The following FAM53A variants were observed in gnomAD, a reference collection of about 807,000 sequenced individuals.
FAM53A encodes the protein family with sequence similarity 53 member A, also known as protein FAM53A.
FAM53A carries 28 observed loss-of-function variants against 26.6 expected under a neutral mutation model. That is an observed-to-expected ratio of 1.05 (90% CI 0.78 to 1.45). The LOEUF (loss-of-function observed/expected upper bound fraction) is 1.45. Among genes scored for constraint, FAM53A ranks in the 40% most tolerant of loss-of-function variants. The pLI, the probability that FAM53A is intolerant of heterozygous loss-of-function variation, is 0.00. For synonymous variants in FAM53A, 290 were observed against 253.1 expected (o/e 1.15, Z -1.38); for missense variants, 650 against 575.8 (o/e 1.13, Z -1.32).
At chr4:1,622,952 G>A (rs534467670) in intron 1 of FAM53A, among the ~76,000 whole-genome samples, 12 of 152,332 alleles carry the variant, frequency 7.9e-5, no homozygotes, top group Admixed American at 3.9e-4. Flanking sequence ...GGCCTCCCGC[G>A]TGTCCCTCCC....
chr4:1,600,696 G>A, the FAM53A span, among the ~76,000 whole-genome samples: 1,053 of 152,124 alleles, frequency 6.9e-3, 16 homozygotes, highest in Middle Eastern at 0.024. Context: ...TTGCTTTGTC[G>A]TCCAGGCTGG....
At chr4:1,576,837 T>C in the FAM53A span, among the ~76,000 whole-genome samples, 8 of 152,134 alleles carry the variant, frequency 5.3e-5, no homozygotes, top group Non-Finnish European at 1.2e-4. Flanking sequence ...GCCTAGTTTG[T>C]CAGACATCAG....
At chr4:1,603,663 G>A in the FAM53A span, among the ~76,000 whole-genome samples, 1 of 152,168 alleles carries the variant, frequency 6.6e-6, no homozygotes, top group East Asian at 1.9e-4. Flanking sequence ...CCACTGACAC[G>A]GCTCCCACCA....
downstream of FAM53A, among the ~76,000 whole-genome samples, chr4:1,635,726 A>G (rs1715808394): frequency 6.6e-6 from 1 of 151,604 alleles, no homozygotes; most frequent in Non-Finnish European, 1.5e-5. Flanking sequence ...TTCTTCTATA[A>G]CCCATGAGTT....
intron 4 of FAM53A, among the ~76,000 whole-genome samples, chr4:1,651,766 T>C (rs1712808218): frequency 6.7e-6 from 1 of 150,128 alleles, no homozygotes; most frequent in African/African-American, 2.5e-5. Flanking sequence ...ACACACAGGC[T>C]CAGCAAGGGA....
chr4:1,593,454 A>G, the FAM53A span, among the ~76,000 whole-genome samples: 2 of 152,214 alleles, frequency 1.3e-5, no homozygotes, highest in East Asian at 3.9e-4. Context: ...CGGTAGATCA[A>G]TAGCTTTGGA....
chr4:1,668,477 T>C (rs549745600), intron 2 of FAM53A, among the ~76,000 whole-genome samples, 190 bp downstream of exon 2: 3 of 151,986 alleles, frequency 2.0e-5, no homozygotes, highest in African/African-American at 4.8e-5. Context: ...TCAATGATGG[T>C]GAAAATCCGC....
chr4:1,588,788 G>T, the FAM53A span, among the ~76,000 whole-genome samples: 2 of 152,224 alleles, frequency 1.3e-5, no homozygotes, highest in African/African-American at 4.8e-5. Flanking sequence ...GTTCTGAGCT[G>T]CTAAACTTGA....
the FAM53A span, among the ~76,000 whole-genome samples, chr4:1,599,064 C>G: frequency 6.6e-6 from 1 of 152,182 alleles, no homozygotes; most frequent in Non-Finnish European, 1.5e-5. This position sits in a 1 kb window ranked among gnomAD's most constrained non-coding sequence, Gnocchi z 6.1. Context: ...CCCTTCGTCA[C>G]CGAGGCCAGG....
At chr4:1,595,611 T>G in the FAM53A span, among the ~76,000 whole-genome samples, 1 of 152,148 alleles carries the variant, frequency 6.6e-6, no homozygotes, top group Non-Finnish European at 1.5e-5. Flanking sequence ...AAGCAGCCCT[T>G]GTCCTGTGCA....
intron 2 of FAM53A, among the ~76,000 whole-genome samples, chr4:1,667,987 T>C (rs1714358535): frequency 1.3e-5 from 2 of 152,136 alleles, no homozygotes; most frequent in African/African-American, 2.4e-5. Context: ...AGAGGCTCCC[T>C]TGGGAGGCGC....
At chr4:1,612,537 C>T in the FAM53A span, among the ~76,000 whole-genome samples, 10 of 152,192 alleles carry the variant, frequency 6.6e-5, no homozygotes, top group Non-Finnish European at 1.3e-4. Context: ...CATGTACACA[C>T]CCACACGGAC....
intron 2 of FAM53A, among the ~76,000 whole-genome samples, chr4:1,665,244 G>A (rs554023917): frequency 3.5e-4 from 53 of 152,116 alleles, no homozygotes; most frequent in Non-Finnish European, 6.5e-4. Flanking sequence ...CTTGAATGCG[G>A]GAGGCAGAGG....
rs527399792 is a variant in FAM53A, at chr4:1,658,157, G to A, written c.76-689C>T. Among the ~76,000 whole-genome samples the A allele has an allele frequency of 1.0e-4, 15 of 149,966 alleles. No homozygotes were observed. In the East Asian group the frequency reaches 2.8e-3, roughly 28 times the overall value. On this transcript the variant is annotated intron_variant, in intron 2 of 4. Coordinates refer to ENST00000308132, the MANE Select transcript of FAM53A (RefSeq NM_001174070.3). ...TCCCGAGTAGCTGGGACTACAGAAA[G>A]CTGCCACCACGCCCAGCTAATTTTG...
chr4:1,651,858 G>A (rs1028785308), intron 4 of FAM53A, among the ~76,000 whole-genome samples: 98 of 151,736 alleles, frequency 6.5e-4, no homozygotes, highest in Admixed American at 3.7e-3. Context: ...TGGATGCCCC[G>A]CGCAGCCCCA....
chr4:1,598,945 T>TA, the FAM53A span, among the ~76,000 whole-genome samples: 2 of 152,268 alleles, frequency 1.3e-5, no homozygotes, highest in Non-Finnish European at 2.9e-5. Flanking sequence ...TGCCTTAAAA[T>TA]ACTACCCATC....
At chr4:1,631,881 G>A (rs1207788343) in intron 1 of FAM53A, among the ~76,000 whole-genome samples, 4 of 152,100 alleles carry the variant, frequency 2.6e-5, no homozygotes, top group East Asian at 3.9e-4. Context: ...TCCAAGCCAC[G>A]GCCAGGCATG....
rs1275344897 is a variant in FAM53A, at chr4:1,641,504, C to A, written c.986G>T (p.Gly329Val). The change falls in exon 5 of 5, where the codon GGC becomes GTC. Residue 329 changes from glycine to valine, a missense_variant. Physicochemically the swap from Gly to Val is moderately radical, Grantham distance 109 (BLOSUM62 -3). Coordinates refer to ENST00000308132, the MANE Select transcript of FAM53A (RefSeq NM_001174070.3). ...GCCAGGCATGGTGATGCCAGGGAGG[C>A]CCCGGGAGTCACATGGGGAGGACAG... ...TVLSSPCDSR[G>V]LPGITMPGCS... 1.2e-6 allele frequency: 2 copies of A among 1,614,068 alleles called. No homozygotes were observed. Among genetic ancestry groups the A allele is most frequent in the African/African-American group, 1.3e-5 (1 of 74,938 alleles).
upstream of FAM53A, among the ~76,000 whole-genome samples, chr4:1,684,825 T>A (rs1220734374): frequency 2.0e-5 from 3 of 152,204 alleles, no homozygotes; most frequent in Non-Finnish European, 4.4e-5. Context: ...CAGTGTGAAT[T>A]AGGCCCTCGC....
Sources: gnomAD v4.1 joint callset for allele counts (sites outside exome capture counted in the v4.1 genomes callset) on GRCh38, gnomAD v4.1.1 for gene constraint, Gnocchi (gnomAD v3.1) non-coding constraint, MANE v1.5 for transcripts, NCBI Gene and HGNC (gene_info 2026-07-23, HGNC 2026-07-21) for gene names.